FAF1: variants seen among roughly 807,000 people sequenced by gnomAD.
FAF1 encodes the protein FAS-associated factor 1.
A neutral mutation model predicts 92.5 loss-of-function variants in FAF1; 25 were observed. The ratio of observed to expected loss-of-function variants is 0.27; its 90% confidence interval spans 0.20 to 0.38. The LOEUF (loss-of-function observed/expected upper bound fraction) is 0.38, where lower values mean the gene tolerates loss of function less well. Among genes scored for constraint, FAF1 ranks in the 10% least tolerant of loss-of-function variants. FAF1 has a pLI of 1.00. For missense variants in FAF1, 636 were observed against 793.3 expected (o/e 0.80, Z 2.38); for synonymous variants, 234 against 273.2 (o/e 0.86, Z 1.42).
chr1:50,839,736 T>C (rs1433856537), intron 2 of FAF1, among the ~76,000 whole-genome samples: 1 of 152,088 alleles, frequency 6.6e-6, no homozygotes, highest in Admixed American at 6.5e-5. Context: ...AAGAAAAATA[T>C]CTGGACATGC....
intron 8 of FAF1, among the ~76,000 whole-genome samples, chr1:50,648,040 C>T (rs912707366): frequency 3.3e-5 from 5 of 152,098 alleles, no homozygotes; most frequent in African/African-American, 9.7e-5. Flanking sequence ...AGGTGGATAA[C>T]CTGAGGTCAG....
intron 15 of FAF1, among the ~76,000 whole-genome samples, chr1:50,513,490 C>CA (rs1021273026): frequency 3.9e-4 from 58 of 150,284 alleles, no homozygotes; most frequent in East Asian, 2.3e-3. Flanking sequence ...GACTCTGTCT[C>CA]AAAAAAAAAG....
At chr1:50,561,687 G>C (rs537966248) in intron 13 of FAF1, among the ~76,000 whole-genome samples, 1 of 152,078 alleles carries the variant, frequency 6.6e-6, no homozygotes, top group African/African-American at 2.4e-5. Context: ...TTAGCCAGGC[G>C]TGGTGGCACA....
intron 4 of FAF1, among the ~76,000 whole-genome samples, chr1:50,777,259 A>G (rs1286306037): frequency 6.6e-6 from 1 of 151,890 alleles, no homozygotes; most frequent in Non-Finnish European, 1.5e-5. Context: ...AAAAAGTGAA[A>G]AAAAAAAAAA....
intron 6 of FAF1, among the ~76,000 whole-genome samples, chr1:50,735,883 T>C (rs1479626914): frequency 6.6e-6 from 1 of 151,986 alleles, no homozygotes; most frequent in African/African-American, 2.4e-5. Context: ...CACCCGGCTA[T>C]TTCATAAAAA....
At chr1:50,629,956 G>A (rs545043759) in intron 8 of FAF1, among the ~76,000 whole-genome samples, 1 of 152,160 alleles carries the variant, frequency 6.6e-6, no homozygotes, top group Admixed American at 6.5e-5. Context: ...TACTCAGGAG[G>A]CTGAGGCAGG....
intron 14 of FAF1, among the ~76,000 whole-genome samples, chr1:50,536,707 TTCC>T (rs559037972): frequency 4.6e-5 from 7 of 152,276 alleles, no homozygotes; most frequent in African/African-American, 1.7e-4. Context: ...CTAACTCTAA[TTCC>T]ATTACTTACA....
In FAF1 at chr1:50,535,456, C is replaced by A; in HGVS notation, c.1407G>T (p.Gly469=). The A allele has an allele frequency of 1.3e-6, 2 of 1,594,510 alleles. No individual in the cohort carries two copies. The highest frequency in any genetic ancestry group is 1.7e-6 in the Non-Finnish European group (2 of 1,164,606). ...TCATTAACTCATCTACTGTTGTGTT[C>A]CCTAAAAACATATAGAGATTGCCAA... ...SSNEVLNVIQ[G]NTTVDELMMR... The change falls in exon 15 of 19, where the codon GGG becomes GGT. Residue 469 remains glycine (G), a splice_region_variant and synonymous_variant. Transcript: ENST00000396153.
At position 50,834,074 on chromosome 1, in the gene FAF1, C is replaced by T. The variant is rs186505841; in HGVS notation, c.114+23855G>A. On this transcript the variant is annotated intron_variant, in intron 2 of 18. Coordinates refer to ENST00000396153, the MANE Select transcript of FAF1 (RefSeq NM_007051.3). ...ACTGGATCATCGGGCGGATTTCCCC[C>T]TTGCTGTTCTCATGATAGTGAGTTC... 2.6e-5 allele frequency among the ~76,000 whole-genome samples: 4 copies of T among 152,328 alleles called. No individual in the cohort carries two copies. The East Asian group carries it at 7.7e-4, about 29-fold the overall frequency.
At chr1:50,913,939 GGAA>G (rs1160847644) in intron 1 of FAF1, among the ~76,000 whole-genome samples, 2 of 152,134 alleles carry the variant, frequency 1.3e-5, no homozygotes, top group Non-Finnish European at 2.9e-5. Flanking sequence ...TATCCTACCA[GGAA>G]GAAGATGCTC....
intron 2 of FAF1, among the ~76,000 whole-genome samples, chr1:50,849,800 A>C (rs942673566): frequency 1.3e-5 from 2 of 151,528 alleles, no homozygotes; most frequent in African/African-American, 4.9e-5. Context: ...CTACTTAAAT[A>C]TCTTCAAAGA....
intron 7 of FAF1, among the ~76,000 whole-genome samples, chr1:50,683,297 C>A (rs914578660): frequency 6.6e-6 from 1 of 152,026 alleles, no homozygotes; most frequent in Admixed American, 6.5e-5. Flanking sequence ...GAGGTCGATG[C>A]AGGTGGATCA....
At chr1:50,761,776 C>A (rs1660337488) in intron 4 of FAF1, among the ~76,000 whole-genome samples, 1 of 152,022 alleles carries the variant, frequency 6.6e-6, no homozygotes, top group Non-Finnish European at 1.5e-5. Flanking sequence ...TGAAAACTGG[C>A]ACAAGACAGG....
chr1:50,957,351 T>C (rs889076837), intron 1 of FAF1, among the ~76,000 whole-genome samples: 8 of 102,260 alleles, frequency 7.8e-5, no homozygotes, highest in African/African-American at 2.6e-4. Flanking sequence ...CATTTTCTTT[T>C]TTTTTTTTTT....
At chr1:50,493,794 CAAAATGGCTGGCCCAATCTGAGCCTG>C (rs1421562135) in intron 15 of FAF1, among the ~76,000 whole-genome samples, 1 of 152,202 alleles carries the variant, frequency 6.6e-6, no homozygotes, top group African/African-American at 2.4e-5. Flanking sequence ...AGCTCATCCA[CAAAATGGCTGGCCCAATCTGAGCCTG>C]AAATTGACTG....
intron 13 of FAF1, among the ~76,000 whole-genome samples, chr1:50,564,290 A>ATTTTTTTTTTTTTTTTTTTT (rs1227259756): frequency 6.6e-6 from 1 of 152,040 alleles, no homozygotes; most frequent in Non-Finnish European, 1.5e-5. Flanking sequence ...GACTCTCTAA[A>ATTTTTTTTTTTTTTTTTTTT]TTTTTATGGC....
chr1:50,864,245 G>C (rs1372832164), intron 1 of FAF1, among the ~76,000 whole-genome samples: 5 of 148,686 alleles, frequency 3.4e-5, no homozygotes, highest in Non-Finnish European at 7.5e-5. Flanking sequence ...CCTTCTGCTA[G>C]CTTTTGAATG....
chr1:50,733,235 C>T (rs775338197), intron 6 of FAF1, among the ~76,000 whole-genome samples: 3 of 152,124 alleles, frequency 2.0e-5, no homozygotes, highest in Admixed American at 6.5e-5. Context: ...ATAACTATTA[C>T]CTATTTTCTA....
At chr1:50,884,630 CT>C (rs1300059816) in intron 1 of FAF1, among the ~76,000 whole-genome samples, 8 of 151,982 alleles carry the variant, frequency 5.3e-5, no homozygotes, top group African/African-American at 1.9e-4. Context: ...TGATTAATAA[CT>C]TTTTTAATGT....
Sources: allele counts gnomAD v4.1 joint callset (sites outside exome capture counted in the v4.1 genomes callset), GRCh38; gene constraint gnomAD v4.1.1; transcripts MANE v1.5; gene names NCBI Gene and HGNC (gene_info 2026-07-23, HGNC 2026-07-21).